MYO5B: variants seen among roughly 807,000 people sequenced by gnomAD.
MYO5B encodes unconventional myosin-Vb.
Under a neutral mutation model 229.3 loss-of-function variants are expected in MYO5B, and 143 were observed. That is an observed-to-expected ratio of 0.62 (90% CI 0.54 to 0.72). The LOEUF (loss-of-function observed/expected upper bound fraction) is 0.72. MYO5B is among the 30% of genes least tolerant of loss of function. The pLI is 0.00. For missense variants in MYO5B, 2,321 were observed against 2,331.0 expected (o/e 1.00, Z 0.09); for synonymous variants, 918 against 885.2 (o/e 1.04, Z -0.66).
At chr18:49,930,275 C>T (rs1239682634) in intron 16 of MYO5B, among the ~76,000 whole-genome samples, 1 of 152,220 alleles carries the variant, frequency 6.6e-6, no homozygotes, top group Non-Finnish European at 1.5e-5. Context: ...TAGCTATGAT[C>T]ACAACAGCTG....
chr18:49,886,102 G>A (rs1003847700), intron 22 of MYO5B, among the ~76,000 whole-genome samples: 1 of 152,040 alleles, frequency 6.6e-6, no homozygotes, highest in Admixed American at 6.6e-5. Context: ...AACATGCCCG[G>A]CTAATTTTTG....
chr18:49,893,024 G>A (rs1027244623), intron 22 of MYO5B, among the ~76,000 whole-genome samples: 2 of 152,198 alleles, frequency 1.3e-5, no homozygotes, highest in African/African-American at 4.8e-5. Context: ...GAGAGGAGGA[G>A]GGAGTCTGCT....
chr18:49,933,765 T>C (rs1341640674), intron 16 of MYO5B, among the ~76,000 whole-genome samples: 1 of 152,178 alleles, frequency 6.6e-6, no homozygotes, highest in Non-Finnish European at 1.5e-5. Flanking sequence ...TTACAGGAAA[T>C]GGGTGGAGAG....
intron 1 of MYO5B, among the ~76,000 whole-genome samples, chr18:50,062,611 G>A (rs1488883236): frequency 6.6e-6 from 1 of 152,154 alleles, no homozygotes; most frequent in Admixed American, 6.5e-5. Flanking sequence ...AGAAGATAAA[G>A]ATTAATTAAG....
At position 49,825,033 on chromosome 18, in the gene MYO5B, T is replaced by C. The variant is rs1349210367; in HGVS notation, c.*1438A>G. The C allele has an allele frequency of 2.6e-5, 4 of 152,200 alleles. No homozygotes were observed. Among genetic ancestry groups the C allele is most frequent in the Admixed American group, 6.5e-5 (1 of 15,276 alleles). The allele number at this position is 152,200 out of a possible 1,614,324, so 9.4% of individuals were successfully genotyped here. ...AGTTGGGTGGTTGAGTAAAAGAGGG[T>C]GAAGGCAGGCTGTTCTACTTCCAAT... On this transcript the variant is annotated 3_prime_UTR_variant, in exon 40 of 40. Transcript: ENST00000285039.
At chr18:49,866,235 A>T (rs1243761405) in intron 27 of MYO5B, among the ~76,000 whole-genome samples, 11 of 144,620 alleles carry the variant, frequency 7.6e-5, no homozygotes, top group African/African-American at 2.5e-5. Flanking sequence ...CGCCTGGCTA[A>T]TTTTTTTTTT....
chr18:49,824,425 G>A lies in MYO5B; in HGVS notation c.*2046C>T, dbSNP rs1331255915. ...TAATTGCCAAGCTTTTATTCAGTAAGCTCTTGGCACCTAGTGATTAACCAG... is the reference window on the plus strand; with the variant it reads ...TAATTGCCAAGCTTTTATTCAGTAAACTCTTGGCACCTAGTGATTAACCAG... On this transcript the variant is annotated 3_prime_UTR_variant, in exon 40 of 40. Coordinates refer to ENST00000285039, the MANE Select transcript of MYO5B (RefSeq NM_001080467.3). 1 of 152,458 alleles carries A rather than the reference G, an allele frequency of 6.6e-6. No individual in the cohort carries two copies. Among genetic ancestry groups the A allele is most frequent in the African/African-American group, 2.4e-5 (1 of 41,488 alleles). 9.4% of individuals were successfully genotyped at this position (152,458 alleles called of 1,614,324 possible). A position where few individuals can be genotyped will look rare whatever the true frequency, so the allele number is the denominator to read the frequency against.
chr18:49,857,478 A>G (rs2024276443), intron 29 of MYO5B, among the ~76,000 whole-genome samples: 1 of 152,154 alleles, frequency 6.6e-6, no homozygotes, highest in Admixed American at 6.5e-5. Flanking sequence ...CTGCTTTTCA[A>G]TGCAGATCTT....
intron 1 of MYO5B, among the ~76,000 whole-genome samples, chr18:50,183,796 T>C (rs967473165): frequency 5.9e-5 from 9 of 152,224 alleles, no homozygotes; most frequent in African/African-American, 2.2e-4. Flanking sequence ...GGATCCCTCA[T>C]GAATGGTATG....
intron 1 of MYO5B, among the ~76,000 whole-genome samples, chr18:50,088,629 G>A (rs202165265): frequency 6.6e-6 from 1 of 152,316 alleles, no homozygotes; most frequent in East Asian, 1.9e-4. Flanking sequence ...GCTCAAGCCT[G>A]CACTTTCAGA....
At chr18:50,140,502 T>C (rs1461825321) in intron 1 of MYO5B, among the ~76,000 whole-genome samples, 1 of 152,212 alleles carries the variant, frequency 6.6e-6, no homozygotes, top group Non-Finnish European at 1.5e-5. Context: ...GTTGGAAGAA[T>C]GAGTTGTGTA....
At chr18:50,059,078 C>T (rs1598988800) in intron 1 of MYO5B, among the ~76,000 whole-genome samples, 2 of 152,314 alleles carry the variant, frequency 1.3e-5, no homozygotes, top group East Asian at 1.9e-4. Context: ...ATTTCTTTCA[C>T]ATCAGTTTCA....
chr18:50,021,718 TA>T (rs34172106), intron 4 of MYO5B, among the ~76,000 whole-genome samples: 6 of 119,564 alleles, frequency 5.0e-5, no homozygotes, highest in Admixed American at 1.8e-4. Flanking sequence ...CCCATCTGCG[TA>T]AAAAAAAAAA....
intron 1 of MYO5B, among the ~76,000 whole-genome samples, chr18:50,060,479 C>T (rs1435361855): frequency 6.6e-6 from 1 of 152,114 alleles, no homozygotes; most frequent in Non-Finnish European, 1.5e-5. Flanking sequence ...ATTACCATAC[C>T]ACTCAATTTG....
chr18:50,043,083 T>C (rs528007344), intron 2 of MYO5B, among the ~76,000 whole-genome samples: 4 of 151,452 alleles, frequency 2.6e-5, no homozygotes, highest in South Asian at 4.2e-4. Context: ...CACTATTGTG[T>C]ATCTACCCAG....
chr18:49,967,937 C>G (rs1430125719), intron 10 of MYO5B, among the ~76,000 whole-genome samples: 3 of 152,176 alleles, frequency 2.0e-5, no homozygotes, highest in Admixed American at 1.3e-4. Flanking sequence ...TCTTGAGGAC[C>G]TAAATCCACT....
intron 1 of MYO5B, among the ~76,000 whole-genome samples, chr18:50,079,176 C>T (rs540447487): frequency 6.6e-6 from 1 of 152,342 alleles, no homozygotes; most frequent in East Asian, 1.9e-4. Context: ...TGTGACAATA[C>T]ATTAAGTTAG....
intron 1 of MYO5B, among the ~76,000 whole-genome samples, chr18:50,092,035 C>A (rs545263315): frequency 6.6e-6 from 1 of 152,114 alleles, no homozygotes; most frequent in Non-Finnish European, 1.5e-5. Flanking sequence ...TATTTCAGGG[C>A]TGTTACTTCA....
intron 34 of MYO5B, among the ~76,000 whole-genome samples, 189 bp downstream of exon 34, chr18:49,843,052 G>C (rs2024079169): frequency 6.6e-6 from 1 of 152,222 alleles, no homozygotes; most frequent in Non-Finnish European, 1.5e-5. Flanking sequence ...CCATTGCTGG[G>C]CCTGAGCATC....
Sources: allele counts gnomAD v4.1 joint callset (sites outside exome capture counted in the v4.1 genomes callset), GRCh38; gene constraint gnomAD v4.1.1; transcripts MANE v1.5; gene names NCBI Gene and HGNC (gene_info 2026-07-23, HGNC 2026-07-21).